The following LDB2 variants were observed in gnomAD, a reference collection of about 807,000 sequenced individuals.
LDB2 encodes LIM domain-binding protein 2.
LDB2 carries 12 observed loss-of-function variants against 44.3 expected under a neutral mutation model. That is an observed-to-expected ratio of 0.27 (90% CI 0.17 to 0.44). The LOEUF is 0.44. Ranked by LOEUF, LDB2 falls within the 20% of genes least tolerant of loss-of-function variation. LDB2 has a pLI of 1.00. For missense variants in LDB2, 344 were observed against 473.5 expected (o/e 0.73, Z 2.54); for synonymous variants, 164 against 174.8 (o/e 0.94, Z 0.49).
intron 2 of LDB2, among the ~76,000 whole-genome samples, chr4:16,669,734 C>A (rs1324512130): frequency 6.6e-6 from 1 of 152,308 alleles, no homozygotes; most frequent in South Asian, 2.1e-4. Context: ...CACACAATTT[C>A]TAATACTTAA....
At chr4:16,751,060 C>T (rs1765401397) in intron 2 of LDB2, 1 of 152,140 alleles carries the variant, frequency 6.6e-6, no homozygotes, top group African/African-American at 2.4e-5. Flanking sequence ...GCCAGGACTC[C>T]ATAGATAACA....
intron 2 of LDB2, chr4:16,653,937 T>C (rs759425829): frequency 1.3e-5 from 2 of 152,176 alleles, no homozygotes; most frequent in African/African-American, 4.8e-5. Flanking sequence ...GAGATGAAAT[T>C]CAGAGGCATT....
chr4:16,537,283 ATGATT>A (rs1204818833), intron 5 of LDB2, among the ~76,000 whole-genome samples: 1 of 152,242 alleles, frequency 6.6e-6, no homozygotes, highest in Non-Finnish European at 1.5e-5. Flanking sequence ...TAAGAAACCA[ATGATT>A]TCCTTTATTC....
At chr4:16,816,258 G>A (rs1184697444) in intron 1 of LDB2, among the ~76,000 whole-genome samples, 3 of 152,110 alleles carry the variant, frequency 2.0e-5, no homozygotes, top group African/African-American at 4.8e-5. Flanking sequence ...TGCAAATGCT[G>A]TATGTGTGGA....
At chr4:16,882,465 G>C (rs1036861139) in intron 1 of LDB2, among the ~76,000 whole-genome samples, 1 of 152,038 alleles carries the variant, frequency 6.6e-6, no homozygotes, top group Admixed American at 6.6e-5. Context: ...ATTAGGACTG[G>C]AAACCATTCC....
intron 2 of LDB2, among the ~76,000 whole-genome samples, chr4:16,668,313 C>T (rs1743852281): frequency 6.6e-6 from 1 of 152,168 alleles, no homozygotes; most frequent in African/African-American, 2.4e-5. Context: ...TGCCTGTTCC[C>T]CTCCTGGTTG....
chr4:16,864,654 G>A (rs1323613247), intron 1 of LDB2, among the ~76,000 whole-genome samples: 1 of 152,226 alleles, frequency 6.6e-6, no homozygotes, highest in East Asian at 1.9e-4. Context: ...GTTGGGCGCA[G>A]TAGCTCACCC....
intron 1 of LDB2, among the ~76,000 whole-genome samples, chr4:16,859,626 T>C (rs1711800329): frequency 6.6e-6 from 1 of 152,204 alleles, no homozygotes; most frequent in Non-Finnish European, 1.5e-5. Context: ...ACCAGAATCA[T>C]TGACTCAGAG....
At chr4:16,774,153 CAAAAAAAA>C (rs35866468) in intron 1 of LDB2, among the ~76,000 whole-genome samples, 3 of 56,042 alleles carry the variant, frequency 5.4e-5, no homozygotes, top group Non-Finnish European at 9.6e-5. Flanking sequence ...GACTCCGTCT[CAAAAAAAA>C]AAAAAAAAAA....
At chr4:16,728,212 T>C (rs1235411730) in intron 2 of LDB2, among the ~76,000 whole-genome samples, 1 of 152,148 alleles carries the variant, frequency 6.6e-6, no homozygotes. Flanking sequence ...CAATAAAATT[T>C]ATTTGAAAAG....
At chr4:16,618,389 C>G (rs1439298587) in intron 2 of LDB2, among the ~76,000 whole-genome samples, 1 of 152,176 alleles carries the variant, frequency 6.6e-6, no homozygotes, top group African/African-American at 2.4e-5. Context: ...CCCTATCTGC[C>G]TTGTTCGCAT....
At chr4:16,595,322 G>A (rs1211902991) in intron 3 of LDB2, among the ~76,000 whole-genome samples, 1 of 152,068 alleles carries the variant, frequency 6.6e-6, no homozygotes, top group Non-Finnish European at 1.5e-5. Flanking sequence ...GCTCTAAAAA[G>A]TTATTTCAGT....
chr4:16,586,317 A>T (rs1041409169), intron 4 of LDB2, among the ~76,000 whole-genome samples: 5 of 151,962 alleles, frequency 3.3e-5, no homozygotes. Flanking sequence ...GAGTCACAGA[A>T]CTCTGCCAGG....
intron 5 of LDB2, among the ~76,000 whole-genome samples, chr4:16,543,683 C>A (rs952414829): frequency 6.6e-6 from 1 of 152,150 alleles, no homozygotes; most frequent in African/African-American, 2.4e-5. Flanking sequence ...CTAGGCAATA[C>A]CATTCAGGAC....
chr4:16,818,566 C>T (rs534012600), intron 1 of LDB2, among the ~76,000 whole-genome samples: 3 of 152,194 alleles, frequency 2.0e-5, no homozygotes, highest in Non-Finnish European at 2.9e-5. Flanking sequence ...AATAGAAGAA[C>T]GTGAGCCAGG....
intron 3 of LDB2, among the ~76,000 whole-genome samples, chr4:16,592,513 C>CAA (rs1719484315): frequency 6.9e-6 from 1 of 145,512 alleles, no homozygotes; most frequent in Non-Finnish European, 1.5e-5. Flanking sequence ...TATACACACA[C>CAA]ACACACACAA....
intron 1 of LDB2, among the ~76,000 whole-genome samples, chr4:16,876,724 AG>A (rs1218193054): frequency 6.6e-6 from 1 of 152,032 alleles, no homozygotes; most frequent in African/African-American, 2.4e-5. Context: ...TAGGTACATT[AG>A]GGGAAAAAGC....
intron 1 of LDB2, among the ~76,000 whole-genome samples, chr4:16,801,077 T>A (rs1777737621): frequency 6.6e-6 from 1 of 152,188 alleles, no homozygotes; most frequent in South Asian, 2.1e-4. Context: ...AAGCTCCCCA[T>A]CTTGGTTGGC....
intron 2 of LDB2, among the ~76,000 whole-genome samples, chr4:16,675,581 GAA>G (rs201901958): frequency 1.4e-5 from 2 of 140,734 alleles, no homozygotes; most frequent in Admixed American, 7.0e-5. Flanking sequence ...GGTACAAAAT[GAA>G]AAAAAAAAAC....
Sources: allele counts gnomAD v4.1 joint callset (sites outside exome capture counted in the v4.1 genomes callset), GRCh38; gene constraint gnomAD v4.1.1; transcripts MANE v1.5; gene names NCBI Gene and HGNC (gene_info 2026-07-23, HGNC 2026-07-21).